Variants in CDH23 observed in about 807,000 individuals in gnomAD.
CDH23 encodes the protein cadherin related 23.
CDH23 carries 189 observed loss-of-function variants against 317.1 expected under a neutral mutation model. The observed-to-expected ratio is 0.60, with a 90% CI of 0.53 to 0.67. The LOEUF is 0.67. Ranked by LOEUF, CDH23 falls within the 30% of genes least tolerant of loss-of-function variation. The pLI is 0.00. For synonymous variants in CDH23, 1,839 were observed against 1,876.8 expected (o/e 0.98, Z 0.52); for missense variants, 4,401 against 4,592.4 (o/e 0.96, Z 1.20).
In CDH23 at chr10:71,741,710, C is replaced by T. The variant is rs931345046; in HGVS notation, c.4634C>T (p.Thr1545Ile). 1.9e-6 allele frequency: 3 copies of T among 1,609,984 alleles called. No individual in the cohort carries two copies. The highest frequency in any genetic ancestry group is 1.7e-6 in the Non-Finnish European group (2 of 1,178,148). The change falls in exon 38 of 70, where the codon ACT becomes ATT. Residue 1545 changes from threonine to isoleucine, a missense_variant. Thr to Ile is a moderately conservative substitution (Grantham distance 89). Transcript: ENST00000224721. Reference sequence around the variant, plus strand: ...TCCTCCCAGAACGTGGGTGGAGGTACTGCTGTGGTCCAGGTGAGAGCCACT... The same window carrying T: ...TCCTCCCAGAACGTGGGTGGAGGTATTGCTGTGGTCCAGGTGAGAGCCACT... ...VSVNENVGGGTAVVQVRATDR... is the reference protein window; with the variant it reads ...VSVNENVGGGIAVVQVRATDR...
At chr10:71,795,846 C>T in intron 48 of CDH23, 9 of 987,296 alleles carry the variant, frequency 9.1e-6, no homozygotes, top group Non-Finnish European at 1.1e-5. Context: ...CAGGTTTGAG[C>T]TCTGTTTCTC....
intron 7 of CDH23, among the ~76,000 whole-genome samples, chr10:71,567,260 G>A (rs1208045243): frequency 6.6e-6 from 1 of 152,220 alleles, no homozygotes; most frequent in East Asian, 1.9e-4. Context: ...CCAGGAGCCC[G>A]ACTCCATAGC....
intron 6 of CDH23, among the ~76,000 whole-genome samples, chr10:71,552,353 T>G (rs537716706): frequency 1.3e-5 from 2 of 152,294 alleles, no homozygotes; most frequent in East Asian, 3.9e-4. Context: ...GCGTCCTGGC[T>G]TATAGTGCCC....
chr10:71,687,623 G>C lies in CDH23; in HGVS notation c.1987-24G>C, dbSNP rs74145300. 675 of 1,612,712 alleles carry C rather than the reference G, an allele frequency of 4.2e-4. 3 individuals carry two copies. In the African/African-American group the frequency reaches 7.8e-3, roughly 19 times the overall value. ...CCCACCTGCCTCCCTGCAGCCTCCT[G>C]CAACCTGTCTGTGTTCCTTCCAGGA... is the stretch of plus-strand genomic sequence containing the variant. On this transcript the variant is annotated intron_variant, in intron 18 of 69. Transcript: ENST00000224721.
chr10:71,548,722 T>C (rs772017450), intron 6 of CDH23, among the ~76,000 whole-genome samples: 3 of 152,218 alleles, frequency 2.0e-5, no homozygotes, highest in Non-Finnish European at 4.4e-5. Flanking sequence ...GGAACAACTT[T>C]GGTATAATAA....
chr10:71,418,374 C>T (rs758928703), intron 1 of CDH23, among the ~76,000 whole-genome samples: 2 of 152,156 alleles, frequency 1.3e-5, no homozygotes, highest in East Asian at 1.9e-4. Context: ...ACTCCAGATT[C>T]GGTTAGTCAT....
At chr10:71,438,459 T>C (rs1849723922) in intron 1 of CDH23, among the ~76,000 whole-genome samples, 1 of 152,102 alleles carries the variant, frequency 6.6e-6, no homozygotes, top group South Asian at 2.1e-4. Flanking sequence ...TTAAGTATAA[T>C]ATCAGAAGGA....
At chr10:71,634,641 G>T (rs1439736222) in intron 11 of CDH23, among the ~76,000 whole-genome samples, 1 of 152,246 alleles carries the variant, frequency 6.6e-6, no homozygotes, top group Non-Finnish European at 1.5e-5. Context: ...GGGAGAAGAG[G>T]ACATGGCCTG....
rs1841920632 is a variant in CDH23, at chr10:71,811,420, C to G, written c.9183C>G (p.Asp3061Glu). The G allele has an allele frequency of 6.2e-7, 1 of 1,613,902 alleles. No individual in the cohort carries two copies. The highest frequency in any genetic ancestry group is 1.1e-5 in the South Asian group (1 of 91,092). ...QPAISVRLPD[D>E]MSALQMAIIV... ...CCATCTCTGTCCGGCTGCCGGATGA[C>G]ATGTCTGCCCTGCAGGTACCCGGCG... The change falls in exon 63 of 70, where the codon GAC becomes GAG. Residue 3061 changes from aspartate (D) to glutamate (E), a missense_variant. By Grantham distance (45) the Asp-to-Glu change is conservative. Transcript: ENST00000224721.
At chr10:71,647,201 G>T (rs963072905) in intron 14 of CDH23, 14 of 603,252 alleles carry the variant, frequency 2.3e-5, no homozygotes, top group Admixed American at 6.3e-5. Flanking sequence ...GGTGGCTCAC[G>T]CCTGTCATCC....
chr10:71,500,819 CT>C (rs1278248757), intron 3 of CDH23, among the ~76,000 whole-genome samples: 4,307 of 116,312 alleles, frequency 0.037, 93 homozygotes, highest in Middle Eastern at 0.056. Flanking sequence ...CTTTTCTTTT[CT>C]CTTTCCTTTC....
intron 7 of CDH23, among the ~76,000 whole-genome samples, chr10:71,570,420 T>C (rs1857710669): frequency 1.3e-5 from 2 of 152,112 alleles, no homozygotes; most frequent in African/African-American, 4.8e-5. Flanking sequence ...CAGCACCATA[T>C]CTACTCCAAG....
At chr10:71,581,987 T>C (rs1462929563) in intron 9 of CDH23, among the ~76,000 whole-genome samples, 2 of 152,170 alleles carry the variant, frequency 1.3e-5, no homozygotes, top group Admixed American at 6.5e-5. Context: ...CTGAGCAAGA[T>C]GTTCGACCTC....
At chr10:71,814,814 T>G in intron 69 of CDH23, 138 bp from the exon 70 acceptor site, 1 of 997,890 alleles carries the variant, frequency 1.0e-6, no homozygotes. Context: ...TTGCAGGCAG[T>G]TTGAGAAACA....
At chr10:71,612,478 G>GAAA in intron 9 of CDH23, among the ~76,000 whole-genome samples, 1 of 152,256 alleles carries the variant, frequency 6.6e-6, no homozygotes, top group South Asian at 2.1e-4. Context: ...AACCAAAAAT[G>GAAA]AAAGCACGTC....
intron 17 of CDH23, among the ~76,000 whole-genome samples, chr10:71,680,928 A>G (rs1776322310): frequency 7.2e-6 from 1 of 138,548 alleles, no homozygotes; most frequent in African/African-American, 2.7e-5. Flanking sequence ...TTGTGGGTTC[A>G]TACAATTCTC....
intron 6 of CDH23, among the ~76,000 whole-genome samples, chr10:71,529,503 G>A (rs561313042): frequency 6.6e-6 from 1 of 152,284 alleles, no homozygotes; most frequent in South Asian, 2.1e-4. Context: ...CGGCACAGAG[G>A]GGCCATTTTT....
chr10:71,620,579 G>A (rs1191985838), intron 11 of CDH23, among the ~76,000 whole-genome samples: 2 of 152,126 alleles, frequency 1.3e-5, no homozygotes, highest in Non-Finnish European at 2.9e-5. Context: ...CCCCACCCAG[G>A]CTCAGCCATT....
rs140367891 is a variant in CDH23 at position 71,426,357 on chromosome 10, C to T, written c.-5-13470C>T. 7.8e-3 allele frequency among the ~76,000 whole-genome samples: 1,191 copies of T among 152,318 alleles called. 7 individuals are homozygous for T. Among genetic ancestry groups the T allele is most frequent in the Admixed American group, 0.013 (204 of 15,300 alleles). ...GAGAGAATGGGGGACAGGCCCAGGA[C>T]CTGGGGTCTTCCTTTCCATCCTTGG... On this transcript the variant is annotated intron_variant, in intron 1 of 69. Transcript: ENST00000224721.
Sources: gnomAD v4.1 joint callset for allele counts (sites outside exome capture counted in the v4.1 genomes callset) on GRCh38, gnomAD v4.1.1 for gene constraint, MANE v1.5 for transcripts, NCBI Gene and HGNC (gene_info 2026-07-23, HGNC 2026-07-21) for gene names.